CELF2: variants seen among roughly 807,000 people sequenced by gnomAD.
CELF2 encodes CUG triplet repeat RNA-binding protein 2.
CELF2 carries 8 observed loss-of-function variants against 62.6 expected under a neutral mutation model. The observed-to-expected ratio is 0.13, with a 90% CI of 0.07 to 0.23. CELF2 has a LOEUF of 0.23. Ranked by LOEUF, CELF2 falls within the 10% of genes least tolerant of loss-of-function variation. The pLI is 1.00. For missense variants in CELF2, 333 were observed against 671.0 expected (o/e 0.50, Z 5.56); for synonymous variants, 258 against 250.0 (o/e 1.03, Z -0.30).
At chr10:11,258,998 C>G (rs987693352) in intron 5 of CELF2, among the ~76,000 whole-genome samples, 11 of 152,224 alleles carry the variant, frequency 7.2e-5, no homozygotes, top group African/African-American at 2.7e-4. Context: ...TTTTTCACTT[C>G]TTACAGGAAA....
chr10:10,634,833 T>C, the CELF2 span, among the ~76,000 whole-genome samples: 1 of 151,988 alleles, frequency 6.6e-6, no homozygotes, highest in Non-Finnish European at 1.5e-5. Flanking sequence ...GGCTAATCTT[T>C]TGTATATTTA....
At chr10:11,173,349 G>C (rs906633507) in intron 2 of CELF2, among the ~76,000 whole-genome samples, 2 of 152,172 alleles carry the variant, frequency 1.3e-5, no homozygotes, top group South Asian at 2.1e-4. Context: ...GCCTTTCCTT[G>C]CTTTCGCTCC....
At chr10:10,954,480 T>C (rs1326701292) in intron 2 of CELF2, among the ~76,000 whole-genome samples, 1 of 152,198 alleles carries the variant, frequency 6.6e-6, no homozygotes, top group Admixed American at 6.5e-5. Flanking sequence ...ACTCCTGACC[T>C]TGTGATCCGC....
intron 1 of CELF2, among the ~76,000 whole-genome samples, chr10:10,899,905 A>T (rs2062819751): frequency 6.6e-6 from 1 of 152,218 alleles, no homozygotes; most frequent in African/African-American, 2.4e-5. Context: ...TACCTCCAGC[A>T]TTGGGGATTA....
At chr10:11,044,560 CA>C (rs1474073505) in intron 1 of CELF2, among the ~76,000 whole-genome samples, 2 of 152,132 alleles carry the variant, frequency 1.3e-5, no homozygotes, top group African/African-American at 4.8e-5. Context: ...TTTGAGACCT[CA>C]TTTGAGAAAT....
the CELF2 span, among the ~76,000 whole-genome samples, chr10:10,780,732 G>C: frequency 6.6e-6 from 1 of 152,172 alleles, no homozygotes; most frequent in Non-Finnish European, 1.5e-5. Context: ...ACCTGCTTTG[G>C]CTTCCCAAAG....
At chr10:11,152,544 C>CCCGA (rs941593810) in intron 1 of CELF2, among the ~76,000 whole-genome samples, 1 of 152,170 alleles carries the variant, frequency 6.6e-6, no homozygotes, top group Non-Finnish European at 1.5e-5. Context: ...TTTAACTTCC[C>CCCGA]ACCCTTTCAA....
chr10:10,724,207 G>A, the CELF2 span, among the ~76,000 whole-genome samples: 208 of 152,238 alleles, frequency 1.4e-3, no homozygotes, highest in Admixed American at 8.9e-3. Context: ...ACCATGTCGC[G>A]TTCTTGTCCT....
chr10:11,202,929 CTCTCTCTCTCTCTCTCTCTCTCTG>C (rs1252225309), intron 2 of CELF2, among the ~76,000 whole-genome samples: 2,139 of 92,212 alleles, frequency 0.023, 96 homozygotes, highest in African/African-American at 0.077. Flanking sequence ...CTCTCTCTCT[CTCTCTCTCTCTCTCTCTCTCTCTG>C]TGTGTGTGTG....
chr10:10,699,325 T>C, the CELF2 span, among the ~76,000 whole-genome samples: 3 of 152,218 alleles, frequency 2.0e-5, no homozygotes, highest in Non-Finnish European at 4.4e-5. Context: ...AGGATTTCAA[T>C]ATAATCTGTG....
rs1023897055 is a variant in CELF2, at chr10:11,075,717, G to A, written c.74+57554G>A. Among the ~76,000 whole-genome samples, 40 of 152,194 alleles carry A rather than the reference G, an allele frequency of 2.6e-4. No individual in the cohort carries two copies. The highest frequency in any genetic ancestry group is 1.7e-3 in the Admixed American group (26 of 15,292). ...AGGTGACATTGAGAATGAAATGGGGGTGAGCAGCCATCAGCGTTCTTAGGA... is the reference window on the plus strand; with the variant it reads ...AGGTGACATTGAGAATGAAATGGGGATGAGCAGCCATCAGCGTTCTTAGGA... On this transcript the variant is annotated intron_variant, in intron 1 of 12. Transcript: ENST00000633077. This position sits in a 1 kb window ranked among gnomAD's most constrained non-coding sequence, Gnocchi z 5.4.
At chr10:10,902,840 G>T (rs369423333) in intron 1 of CELF2, among the ~76,000 whole-genome samples, 1 of 143,944 alleles carries the variant, frequency 6.9e-6, no homozygotes, top group African/African-American at 2.6e-5. Flanking sequence ...GGAGAGGAGA[G>T]AGACAAAGAA....
At chr10:10,606,641 G>A in the CELF2 span, among the ~76,000 whole-genome samples, 1 of 152,222 alleles carries the variant, frequency 6.6e-6, no homozygotes, top group East Asian at 1.9e-4. Context: ...TTTGTAACAT[G>A]TTCTAACCAA....
chr10:10,579,344 C>A, the CELF2 span, among the ~76,000 whole-genome samples: 2 of 152,124 alleles, frequency 1.3e-5, no homozygotes, highest in Admixed American at 6.6e-5. Flanking sequence ...TTTAGATGGT[C>A]TTCATGGTAC....
At chr10:10,499,912 C>A in the CELF2 span, among the ~76,000 whole-genome samples, 1 of 151,770 alleles carries the variant, frequency 6.6e-6, no homozygotes, top group African/African-American at 2.4e-5. Context: ...ACATTAATGG[C>A]AGTACCAGGT....
intron 1 of CELF2, among the ~76,000 whole-genome samples, chr10:11,112,168 G>T (rs904105092): frequency 1.3e-5 from 2 of 152,240 alleles, no homozygotes; most frequent in African/African-American, 4.8e-5. Flanking sequence ...GCTCTTGCAT[G>T]TGCCACATTT....
rs2094120808 is a variant in CELF2, at chr10:11,305,351, C to T, written c.977-8788C>T. Among the ~76,000 whole-genome samples the T allele has an allele frequency of 6.6e-6, 1 of 152,220 alleles. No individual in the cohort carries two copies. The highest frequency in any genetic ancestry group is 1.5e-5 in the Non-Finnish European group (1 of 68,036). On this transcript the variant is annotated intron_variant, in intron 9 of 12. Coordinates refer to ENST00000633077, the MANE Select transcript of CELF2 (RefSeq NM_001326342.2). This position sits in a 1 kb window ranked among gnomAD's most constrained non-coding sequence, Gnocchi z 4.8. The stretch of plus-strand genomic sequence containing the variant: ...TTGGCCTCCTTGTGGAGTCCTCATG[C>T]CCACACCTGGGTGCCGGCGCCCATC...
At chr10:10,641,285 C>A in the CELF2 span, among the ~76,000 whole-genome samples, 1 of 152,200 alleles carries the variant, frequency 6.6e-6, no homozygotes, top group African/African-American at 2.4e-5. Context: ...GTTTCTGTTT[C>A]TCTGTCTGTA....
the CELF2 span, among the ~76,000 whole-genome samples, chr10:10,767,056 C>T: frequency 2.0e-5 from 3 of 152,128 alleles, no homozygotes; most frequent in Non-Finnish European, 4.4e-5. Flanking sequence ...GGACATTTTC[C>T]TTCATCGCCG....
Sources: allele counts gnomAD v4.1 joint callset (sites outside exome capture counted in the v4.1 genomes callset), GRCh38; gene constraint gnomAD v4.1.1; non-coding constraint Gnocchi (gnomAD v3.1); transcripts MANE v1.5; gene names NCBI Gene and HGNC (gene_info 2026-07-23, HGNC 2026-07-21).